Variants in SNX3 observed in about 807,000 individuals in gnomAD.
The protein encoded by SNX3 is sorting nexin 3.
In SNX3, 5 loss-of-function variants were observed where a neutral mutation model predicts 17.7. The ratio of observed to expected loss-of-function variants is 0.28; its 90% CI spans 0.15 to 0.59. The LOEUF (loss-of-function observed/expected upper bound fraction) is 0.59. Among genes scored for constraint, SNX3 ranks in the 20% least tolerant of loss-of-function variants. SNX3 has a pLI of 0.88. For synonymous variants in SNX3, 91 were observed against 76.5 expected, an observed-to-expected ratio of 1.19 and a Z score of -0.99; for missense variants, 132 against 206.8, an observed-to-expected ratio of 0.64 and a Z score of 2.22.
At chr6:108,241,696 C>T (rs911398877) in intron 1 of SNX3, among the ~76,000 whole-genome samples, 2 of 152,030 alleles carry the variant, frequency 1.3e-5, no homozygotes, top group African/African-American at 4.8e-5. Context: ...AAATAAATAG[C>T]AACCACCACC....
In SNX3 at chr6:108,219,077, C is replaced by T. The variant is rs1049212880; in HGVS notation, c.258+3873G>A. Among the ~76,000 whole-genome samples the T allele has an allele frequency of 4.6e-5, 7 of 152,236 alleles. No homozygotes were observed. The South Asian group carries it at 6.2e-4, about 14-fold the overall frequency. ...GTTACTAAAAACAAAAGCGGTCGGG[C>T]GGGGTGGCTCACGCCTGTAATCCCA... is the stretch of plus-strand genomic sequence containing the variant. On this transcript the variant is annotated intron_variant, in intron 2 of 3. Transcript: ENST00000230085.
chr6:108,235,820 C>T (rs1312728163), intron 1 of SNX3, among the ~76,000 whole-genome samples: 3 of 152,118 alleles, frequency 2.0e-5, no homozygotes, highest in Non-Finnish European at 2.9e-5. Flanking sequence ...CACATGAAAG[C>T]GGAGGTTGCA....
chr6:108,246,577 G>A (rs992903804), intron 1 of SNX3, among the ~76,000 whole-genome samples: 6 of 150,880 alleles, frequency 4.0e-5, no homozygotes, highest in South Asian at 2.1e-4. Flanking sequence ...TGATCCACCC[G>A]CCTCCACCTC....
rs543246460 is a variant in SNX3, at chr6:108,260,983, C to T, written c.-62G>A. ...CGCCCCCTCCGCGTTCAGCCGCCGC[C>T]GCCGCCGCTGCTGCCCGCCGTGGGG... On this transcript the variant is annotated 5_prime_UTR_variant, in exon 1 of 4. Transcript: ENST00000230085. The T allele has an allele frequency of 5.6e-5, 78 of 1,397,396 alleles. No individual in the cohort carries two copies. The African/African-American group carries it at 9.6e-4, about 17-fold the overall frequency. The allele number at this position is 1,397,396 out of a possible 1,614,324, so 86.6% of individuals were successfully genotyped here.
chr6:108,235,333 T>C (rs1775294538), intron 1 of SNX3, among the ~76,000 whole-genome samples: 1 of 152,110 alleles, frequency 6.6e-6, no homozygotes, highest in Non-Finnish European at 1.5e-5. Flanking sequence ...GACCGAGTTA[T>C]CTCAAAAATA....
chr6:108,214,420 G>C, intron 3 of SNX3, 78 bp downstream of exon 3: 1 of 1,391,164 alleles, frequency 7.2e-7, no homozygotes, highest in Non-Finnish European at 9.9e-7. Context: ...AAAGGCAACA[G>C]TGCAGTTTAG....
intron 1 of SNX3, among the ~76,000 whole-genome samples, chr6:108,246,701 A>T (rs1026254182): frequency 6.6e-6 from 1 of 151,964 alleles, no homozygotes; most frequent in Non-Finnish European, 1.5e-5. Context: ...AGTATAGAAT[A>T]GAATGTGTTC....
rs911712507 is a variant in SNX3 at position 108,261,013 on chromosome 6, G to T, written c.-92C>A. 4 of 1,229,474 alleles carry T rather than the reference G, an allele frequency of 3.3e-6. No homozygotes were observed. Among genetic ancestry groups the T allele is most frequent in the South Asian group, 3.7e-5 (2 of 54,166 alleles). 76.2% of individuals were successfully genotyped at this position (1,229,474 alleles called of 1,614,324 possible). On this transcript the variant is annotated 5_prime_UTR_variant, in exon 1 of 4. Transcript: ENST00000230085. ...CCGCTGCTGCCCGCCGTGGGGACAC[G>T]GGGCTCGCGCGCAGCGGTCGCGAAG... is the stretch of plus-strand genomic sequence containing the variant.
intron 1 of SNX3, among the ~76,000 whole-genome samples, chr6:108,223,670 T>C (rs1303766154): frequency 6.6e-6 from 1 of 151,900 alleles, no homozygotes; most frequent in Admixed American, 6.6e-5. Flanking sequence ...GCTAATTTTC[T>C]TGTATTTTTA....
intron 1 of SNX3, among the ~76,000 whole-genome samples, chr6:108,243,367 G>C (rs1305902069): frequency 6.6e-6 from 1 of 152,014 alleles, no homozygotes; most frequent in Non-Finnish European, 1.5e-5. Flanking sequence ...AAAAATATAA[G>C]ACAGTCCCAG....
intron 2 of SNX3, chr6:108,222,175 G>C: frequency 7.8e-7 from 1 of 1,288,852 alleles, no homozygotes; most frequent in Non-Finnish European, 1.0e-6. Context: ...TGAGAAATGA[G>C]TACAGACTAG....
At chr6:108,213,627 G>C (rs975801074) in intron 3 of SNX3, among the ~76,000 whole-genome samples, 1 of 150,882 alleles carries the variant, frequency 6.6e-6, no homozygotes, top group Non-Finnish European at 1.5e-5. Context: ...ACTCCAGCCT[G>C]GGCGACAGAG....
At chr6:108,255,733 A>T (rs1470060693) in intron 1 of SNX3, among the ~76,000 whole-genome samples, 1 of 152,206 alleles carries the variant, frequency 6.6e-6, no homozygotes, top group Non-Finnish European at 1.5e-5. Flanking sequence ...CTAAGATTTT[A>T]AAATTTATTT....
chr6:108,216,716 G>A (rs747563698), intron 2 of SNX3, among the ~76,000 whole-genome samples: 2 of 152,050 alleles, frequency 1.3e-5, no homozygotes, highest in African/African-American at 2.4e-5. Context: ...TTTCTACAAC[G>A]AGTTGTTTAT....
intron 1 of SNX3, among the ~76,000 whole-genome samples, chr6:108,234,178 G>C (rs12110897): frequency 0.017 from 2,650 of 151,948 alleles, 86 homozygotes; most frequent in African/African-American, 0.06. Flanking sequence ...TTTGATGTTT[G>C]AATGAAAGGG....
chr6:108,226,928 T>C (rs1774988612), intron 1 of SNX3, among the ~76,000 whole-genome samples: 1 of 152,206 alleles, frequency 6.6e-6, no homozygotes, highest in African/African-American at 2.4e-5. Context: ...CCACAACATT[T>C]GTTCATTGTA....
intron 1 of SNX3, among the ~76,000 whole-genome samples, chr6:108,238,101 CAAA>C (rs11287104): frequency 1.3e-4 from 11 of 85,424 alleles, no homozygotes; most frequent in Admixed American, 2.7e-4. Flanking sequence ...GATCCTGTCT[CAAA>C]AAAAAAAAAA....
chr6:108,248,572 G>A (rs1234784809), intron 1 of SNX3, among the ~76,000 whole-genome samples: 1 of 152,112 alleles, frequency 6.6e-6, no homozygotes, highest in African/African-American at 2.4e-5. Context: ...GAAGAAAACT[G>A]AACAAATATC....
intron 1 of SNX3, among the ~76,000 whole-genome samples, chr6:108,226,751 T>G (rs1177974685): frequency 6.6e-6 from 1 of 152,204 alleles, no homozygotes; most frequent in African/African-American, 2.4e-5. Flanking sequence ...AAATCCATTT[T>G]GTAGTGGTCT....
Sources: gnomAD v4.1 joint callset for allele counts (sites outside exome capture counted in the v4.1 genomes callset) on GRCh38, gnomAD v4.1.1 for gene constraint, MANE v1.5 for transcripts, NCBI Gene and HGNC (gene_info 2026-07-23, HGNC 2026-07-21) for gene names.